ABCC12: variants seen among roughly 807,000 people sequenced by gnomAD.
The protein encoded by ABCC12 is ATP binding cassette subfamily C member 12, also known as ATP-binding cassette sub-family C member 12.
ABCC12 carries 142 observed loss-of-function variants against 151.1 expected under a neutral mutation model. That is an observed-to-expected ratio of 0.94 (90% CI 0.82 to 1.08). ABCC12 has a LOEUF of 1.08. ABCC12 is among the 50% of genes least tolerant of loss of function. ABCC12 has a pLI of 0.00. For synonymous variants in ABCC12, 645 were observed against 646.4 expected (o/e 1.00, Z 0.03); for missense variants, 1,638 against 1,691.1 (o/e 0.97, Z 0.55).
intron 8 of ABCC12, among the ~76,000 whole-genome samples, chr16:48,137,465 GT>G (rs1181734664): frequency 2.0e-5 from 3 of 152,186 alleles, no homozygotes; most frequent in African/African-American, 7.2e-5. Flanking sequence ...GTGTTTCTGG[GT>G]TTTCAAAGAG....
intron 24 of ABCC12, among the ~76,000 whole-genome samples, chr16:48,092,632 G>T (rs751369546): frequency 2.6e-5 from 4 of 152,148 alleles, no homozygotes; most frequent in African/African-American, 9.7e-5. Context: ...TTGGGGTGCC[G>T]GTTTCCAGAG....
intron 27 of ABCC12, 59 bp from the exon 28 acceptor site, chr16:48,086,878 G>T: frequency 7.0e-7 from 1 of 1,436,352 alleles, no homozygotes; most frequent in Non-Finnish European, 9.8e-7. Context: ...GAGGATGGAT[G>T]CGGAGCAGGT....
chr16:48,093,814 C>T (rs1009841837), intron 24 of ABCC12, among the ~76,000 whole-genome samples: 1 of 152,236 alleles, frequency 6.6e-6, no homozygotes, highest in African/African-American at 2.4e-5. Context: ...ACAGTGCTGG[C>T]CCCAGGAAGT....
In ABCC12 at chr16:48,105,232, C is replaced by T. The variant is rs933396734; in HGVS notation, c.2580G>A (p.Val860=). 6 of 1,614,064 alleles carry T rather than the reference C, an allele frequency of 3.7e-6. No homozygotes were observed. The highest frequency in any genetic ancestry group is 2.7e-5 in the African/African-American group (2 of 74,926). ...TGGTGACGCCAAACACCAGCATGAACACCATGCTTGCAGTGTACACCCACT... is the reference window on the plus strand; with the variant it reads ...TGGTGACGCCAAACACCAGCATGAATACCATGCTTGCAGTGTACACCCACT... ...VYQWVYTASM[V]FMLVFGVTKG... The change falls in exon 21 of 31, where the codon GTG becomes GTA. Residue 860 remains valine (V), a synonymous_variant. Transcript: ENST00000311303.
chr16:48,135,049 CAAAA>C (rs1236934094), intron 8 of ABCC12, among the ~76,000 whole-genome samples: 2 of 77,936 alleles, frequency 2.6e-5, no homozygotes, highest in Admixed American at 1.3e-4. Context: ...GACTCTGTCT[CAAAA>C]AAAAAAAAAA....
Position 48,115,501 on chromosome 16 carries a change from C to T in ABCC12, c.1903G>A (p.Ala635Thr), listed in dbSNP as rs201891139. 1.8e-4 allele frequency: 285 copies of T among 1,614,084 alleles called. 1 individual carries two copies. Among genetic ancestry groups the T allele is most frequent in the Non-Finnish European group, 2.0e-4 (241 of 1,180,038 alleles). The change falls in exon 15 of 31, where the codon GCC becomes ACC. Residue 635 changes from alanine to threonine, a missense_variant. By Grantham distance (58) the Ala-to-Thr change is moderately conservative. Coordinates refer to ENST00000311303, the MANE Select transcript of ABCC12 (RefSeq NM_001393797.1). Reference protein sequence around the residue: ...LLDDPLSAVDAHVGKHVFEEC... With the variant: ...LLDDPLSAVDTHVGKHVFEEC... ...TCAAAGACGTGCTTCCCCACGTGGG[C>T]GTCCACGGCCGACAGGGGGTCGTCC...
chr16:48,152,824 T>C (rs1965134783), intron 2 of ABCC12, among the ~76,000 whole-genome samples: 1 of 152,148 alleles, frequency 6.6e-6, no homozygotes, highest in African/African-American at 2.4e-5. Flanking sequence ...TGGCCTGTGC[T>C]CTTCAAAAAC....
At chr16:48,088,202 G>A in intron 26 of ABCC12, 117 bp from the exon 27 acceptor site, 2 of 1,233,272 alleles carry the variant, frequency 1.6e-6, no homozygotes, top group Non-Finnish European at 2.3e-6. Context: ...AAGGATGACA[G>A]TGTAGACAGA....
chr16:48,140,313 A>AC (rs1964760711), intron 6 of ABCC12, among the ~76,000 whole-genome samples: 2 of 151,760 alleles, frequency 1.3e-5, no homozygotes, highest in East Asian at 3.9e-4. Flanking sequence ...TGGTTTTGGC[A>AC]CCCCCTATGC....
chr16:48,093,250 C>T (rs893885438), intron 24 of ABCC12, among the ~76,000 whole-genome samples: 3 of 152,138 alleles, frequency 2.0e-5, no homozygotes, highest in Non-Finnish European at 2.9e-5. Context: ...GGTAATACCC[C>T]GCCCCTGGCT....
Position 48,139,218 on chromosome 16 carries a change from AGAAT to A in ABCC12, c.772_775del (p.Ile258TrpfsTer36). On this transcript the variant is annotated frameshift_variant, in exon 7 of 31. Transcript: ENST00000311303. LOFTEE classifies it high-confidence loss of function. ...TATCCCGATGAGAGCTGTGGGCCCCAGAATGAAAAAGGCGTACGCCGCACAAAAG... is the reference window on the plus strand; with the variant it reads ...TATCCCGATGAGAGCTGTGGGCCCCAGAAAAAGGCGTACGCCGCACAAAAG... 1.9e-6 allele frequency: 3 copies of A among 1,614,118 alleles called. No individual in the cohort carries two copies. The highest frequency in any genetic ancestry group is 2.5e-6 in the Non-Finnish European group (3 of 1,180,006).
intron 24 of ABCC12, among the ~76,000 whole-genome samples, chr16:48,093,663 T>C (rs572162464): frequency 6.6e-6 from 1 of 152,180 alleles, no homozygotes; most frequent in Non-Finnish European, 1.5e-5. Flanking sequence ...TCCTGGCTCA[T>C]GGTGGGTGCT....
At position 48,091,184 on chromosome 16, in the gene ABCC12, A is replaced by C; in HGVS notation, c.3221T>G (p.Val1074Gly). ...GGCTTGCGTCTCTGTTCCCGTTCGC[A>C]CACACACTTGGAGCAGTCCGCTCAG... ...IQLSGLLQVC[V>G]RTGTETQAKF... Residue 1074 changes from valine to glycine, a missense_variant, in exon 25 of 31, where the codon GTG becomes GGG. Transcript: ENST00000311303. The C allele has an allele frequency of 6.2e-7, 1 of 1,614,098 alleles. No homozygotes were observed. Among genetic ancestry groups the C allele is most frequent in the Non-Finnish European group, 8.5e-7 (1 of 1,179,988 alleles).
intron 25 of ABCC12, 104 bp from the exon 26 acceptor site, chr16:48,088,838 G>A: frequency 9.9e-7 from 1 of 1,009,056 alleles, no homozygotes. Context: ...TGCTATTCAT[G>A]GTGGTGAAAT....
In ABCC12 at chr16:48,080,959, G is replaced by A. The variant is rs1597297108; in HGVS notation, c.*2756C>T. The stretch of plus-strand genomic sequence containing the variant: ...CCATGGTCGAGGTGCCAACAGATTT[G>A]GTGTTGAGTGAGGGCCCATTCCTCA... On this transcript the variant is annotated 3_prime_UTR_variant, in exon 31 of 31. Transcript: ENST00000311303. 6.6e-6 allele frequency among the ~76,000 whole-genome samples: 1 copy of A among 152,302 alleles called. No individual in the cohort carries two copies. The highest frequency in any genetic ancestry group is 1.5e-5 in the Non-Finnish European group (1 of 68,030).
rs542880779 is a variant in ABCC12, at chr16:48,086,674, A to G, written c.3714+67T>C. ...GCCTAGGTGCTTGTCAAATTTAAAC[A>G]TAGGCCAGGAATCTAGGGCAGTGGT... On this transcript the variant is annotated intron_variant, in intron 28 of 30. Coordinates refer to ENST00000311303, the MANE Select transcript of ABCC12 (RefSeq NM_001393797.1). 628 of 1,416,720 alleles carry G rather than the reference A, an allele frequency of 4.4e-4. 4 individuals carry two copies. The highest frequency in any genetic ancestry group is 4.1e-5 in the Non-Finnish European group (41 of 1,002,702). 87.8% of individuals were successfully genotyped at this position (1,416,720 alleles called of 1,614,324 possible).
intron 2 of ABCC12, 28 bp downstream of exon 2, chr16:48,153,588 G>A (rs1965144583): frequency 1.3e-5 from 2 of 152,176 alleles, no homozygotes; most frequent in South Asian, 4.1e-4. Context: ...TGAGAAGGTG[G>A]AACTCATTGT....
intron 15 of ABCC12, among the ~76,000 whole-genome samples, chr16:48,112,329 C>T (rs896957162): frequency 5.9e-5 from 9 of 152,196 alleles, no homozygotes; most frequent in Non-Finnish European, 7.3e-5. Context: ...GGCGCAGTGG[C>T]TCACACCTGT....
At chr16:48,117,422 CTGGG>C in intron 13 of ABCC12, 89 bp from the exon 14 acceptor site, 2 of 1,445,326 alleles carry the variant, frequency 1.4e-6, no homozygotes, top group Non-Finnish European at 1.9e-6. Flanking sequence ...GCTGGTGTTG[CTGGG>C]GCAAGGCCAG....
Sources: allele counts gnomAD v4.1 joint callset (sites outside exome capture counted in the v4.1 genomes callset), GRCh38; gene constraint gnomAD v4.1.1; transcripts MANE v1.5; gene names NCBI Gene and HGNC (gene_info 2026-07-23, HGNC 2026-07-21).